Variants in TRPM3 observed in about 807,000 individuals in gnomAD.
TRPM3 encodes transient receptor potential cation channel subfamily M member 3.
TRPM3 carries 77 observed loss-of-function variants against 181.2 expected under a neutral mutation model. That is an observed-to-expected ratio of 0.42 (90% CI 0.35 to 0.51). The LOEUF is 0.51. Among genes scored for constraint, TRPM3 ranks in the 20% least tolerant of loss-of-function variants. The probability of loss-of-function intolerance (pLI) is 0.01; values close to 1 mark genes in which losing one functional copy is unlikely to be tolerated. For synonymous variants in TRPM3, 745 were observed against 796.4 expected, an observed-to-expected ratio of 0.94 and a Z score of 1.09; for missense variants, 1,759 against 2,196.7, an observed-to-expected ratio of 0.80 and a Z score of 3.98.
chr9:70,856,770 TA>T (rs1232283989), intron 3 of TRPM3, among the ~76,000 whole-genome samples: 6 of 152,144 alleles, frequency 3.9e-5, no homozygotes, highest in Non-Finnish European at 8.8e-5. Context: ...CCTAATTTAA[TA>T]GGGAGTGTAA....
intron 1 of TRPM3, among the ~76,000 whole-genome samples, chr9:71,162,199 C>CAAAAAAAAAAAAAAAAAAA (rs35947110): frequency 1.3e-5 from 1 of 74,452 alleles, no homozygotes; most frequent in African/African-American, 5.4e-5. Flanking sequence ...GACTCTGTCT[C>CAAAAAAAAAAAAAAAAAAA]AAAAAAAAAA....
At chr9:70,640,686 G>T in intron 9 of TRPM3, 26 bp from the exon 10 acceptor site, 4 of 1,580,606 alleles carry the variant, frequency 2.5e-6, no homozygotes, top group Non-Finnish European at 3.5e-6. Context: ...TGGGAGAAAA[G>T]AGTGGAAGAG....
intron 1 of TRPM3, among the ~76,000 whole-genome samples, chr9:71,204,168 T>C (rs1319541319): frequency 6.6e-6 from 1 of 151,084 alleles, no homozygotes; most frequent in Non-Finnish European, 1.5e-5. Flanking sequence ...ACTTCATGTC[T>C]AAAACACCAA....
Position 71,090,855 on chromosome 9 carries a change from G to A in TRPM3, c.177+30323C>T, listed in dbSNP as rs188991914. 1.1e-4 allele frequency among the ~76,000 whole-genome samples: 16 copies of A among 152,046 alleles called. 1 individual carries two copies. Among genetic ancestry groups the A allele is most frequent in the Admixed American group, 9.2e-4 (14 of 15,258 alleles). Reference sequence around the variant, plus strand: ...ATTTAAAACTATTTAGTACTGTGCCGGGCATATAGGAAGTACTTAAAAAAT... The same window carrying A: ...ATTTAAAACTATTTAGTACTGTGCCAGGCATATAGGAAGTACTTAAAAAAT... On this transcript the variant is annotated intron_variant, in intron 1 of 25. Coordinates refer to ENST00000677713, the MANE Select transcript of TRPM3 (RefSeq NM_001366145.2).
At chr9:70,793,584 G>A (rs1349425880) in intron 6 of TRPM3, 1 of 469,352 alleles carries the variant, frequency 2.1e-6, no homozygotes, top group South Asian at 1.6e-5. Context: ...CTTTGCATGA[G>A]ATTATCATGA....
At chr9:70,689,835 A>G (rs1012901976) in intron 8 of TRPM3, among the ~76,000 whole-genome samples, 76 of 152,272 alleles carry the variant, frequency 5.0e-4, no homozygotes, top group African/African-American at 1.7e-3. Flanking sequence ...ATTTTCTGGG[A>G]AAAAAATAGG....
At chr9:71,185,968 C>T (rs1362736219) in intron 1 of TRPM3, among the ~76,000 whole-genome samples, 1 of 152,010 alleles carries the variant, frequency 6.6e-6, no homozygotes, top group East Asian at 1.9e-4. Flanking sequence ...AGAATTAAGG[C>T]CATGCTGTCA....
chr9:71,338,156 A>C (rs1447748138), intron 1 of TRPM3, among the ~76,000 whole-genome samples: 1 of 152,106 alleles, frequency 6.6e-6, no homozygotes, highest in African/African-American at 2.4e-5. Context: ...AGGCTTGGTA[A>C]AAACTTCAGC....
chr9:71,195,472 G>A (rs1021523382), intron 1 of TRPM3, among the ~76,000 whole-genome samples: 6 of 152,006 alleles, frequency 3.9e-5, no homozygotes, highest in Non-Finnish European at 7.4e-5. Context: ...AGGTGCCAGT[G>A]AGGTTAAGGA....
chr9:71,166,598 G>A (rs2076553090), intron 1 of TRPM3, among the ~76,000 whole-genome samples: 1 of 152,090 alleles, frequency 6.6e-6, no homozygotes, highest in East Asian at 1.9e-4. Flanking sequence ...TTGCCAAAAT[G>A]GACTAGAAGG....
At chr9:71,211,970 T>C (rs191363428) in intron 1 of TRPM3, among the ~76,000 whole-genome samples, 115 of 152,316 alleles carry the variant, frequency 7.6e-4, no homozygotes, top group Non-Finnish European at 6.3e-4. Context: ...TTGTAAATCA[T>C]AGATCTTCAA....
Position 70,864,180 on chromosome 9 carries a change from G to C in TRPM3, c.257+252C>G, listed in dbSNP as rs994002857. 5.3e-5 allele frequency among the ~76,000 whole-genome samples: 8 copies of C among 151,906 alleles called. 1 individual carries two copies. The highest frequency in any genetic ancestry group is 2.6e-4 in the Admixed American group (4 of 15,250). On this transcript the variant is annotated intron_variant, in intron 2 of 25. Transcript: ENST00000677713. ...ACCATAACAAAAAACATAATCCACT[G>C]TTATATACAGTGATTAATTCCTTCC...
chr9:71,390,005 C>T (rs1184480009), intron 1 of TRPM3, among the ~76,000 whole-genome samples: 2 of 151,988 alleles, frequency 1.3e-5, no homozygotes, highest in Non-Finnish European at 2.9e-5. Context: ...TATTTCAGAA[C>T]ATTAGTGAAA....
At chr9:71,391,472 A>T (rs1212340639) in intron 1 of TRPM3, among the ~76,000 whole-genome samples, 1 of 152,064 alleles carries the variant, frequency 6.6e-6, no homozygotes, top group Non-Finnish European at 1.5e-5. Flanking sequence ...TTTCTATTTT[A>T]AGTATAGATT....
At chr9:70,900,810 C>T (rs796821742) in intron 1 of TRPM3, among the ~76,000 whole-genome samples, 35 of 152,272 alleles carry the variant, frequency 2.3e-4, no homozygotes, top group African/African-American at 8.4e-4. Context: ...CTGGAAGGGC[C>T]AGGCTAGAGC....
At chr9:70,555,515 A>C (rs1275360603) in intron 22 of TRPM3, among the ~76,000 whole-genome samples, 1 of 152,158 alleles carries the variant, frequency 6.6e-6, no homozygotes, top group African/African-American at 2.4e-5. Flanking sequence ...GATCATGGGG[A>C]CACAATCTTG....
At chr9:71,136,376 C>A (rs1471417644) in intron 1 of TRPM3, among the ~76,000 whole-genome samples, 1 of 152,184 alleles carries the variant, frequency 6.6e-6, no homozygotes, top group South Asian at 2.1e-4. Flanking sequence ...TCAGCTCTGA[C>A]ATCAAACATG....
At chr9:70,801,786 A>G (rs770180896) in intron 6 of TRPM3, among the ~76,000 whole-genome samples, 4 of 151,460 alleles carry the variant, frequency 2.6e-5, no homozygotes, top group Non-Finnish European at 5.9e-5. Context: ...TAATACCATT[A>G]CTGTAGAAAG....
chr9:70,874,188 C>A (rs995717444), intron 1 of TRPM3, among the ~76,000 whole-genome samples: 2 of 151,916 alleles, frequency 1.3e-5, no homozygotes, highest in African/African-American at 2.4e-5. Context: ...TGTCATTCTA[C>A]ATAGGCATTT....
Sources: allele counts gnomAD v4.1 joint callset (sites outside exome capture counted in the v4.1 genomes callset), GRCh38; gene constraint gnomAD v4.1.1; transcripts MANE v1.5; gene names NCBI Gene and HGNC (gene_info 2026-07-23, HGNC 2026-07-21).